The following CTNNA3 variants were observed in gnomAD, a reference collection of about 807,000 sequenced individuals.
The protein encoded by CTNNA3 is catenin alpha 3.
CTNNA3 carries 76 observed loss-of-function variants against 95.7 expected under a neutral mutation model. The observed-to-expected ratio is 0.79, with a 90% CI of 0.66 to 0.96. CTNNA3 has a LOEUF of 0.96. CTNNA3 is among the 40% of genes least tolerant of loss of function. The pLI is 0.00. For missense variants in CTNNA3, 1,191 were observed against 1,089.8 expected (o/e 1.09, Z -1.31); for synonymous variants, 431 against 374.4 (o/e 1.15, Z -1.74).
intron 13 of CTNNA3, among the ~76,000 whole-genome samples, chr10:66,232,345 T>C (rs1465779558): frequency 1.3e-5 from 2 of 152,132 alleles, no homozygotes; most frequent in African/African-American, 4.8e-5. Context: ...ATCAACAGAG[T>C]CAATGCAATG....
intron 12 of CTNNA3, among the ~76,000 whole-genome samples, chr10:66,352,928 G>A (rs1406509530): frequency 1.3e-5 from 2 of 152,004 alleles, no homozygotes; most frequent in African/African-American, 2.4e-5. Context: ...GGTCATCAAC[G>A]AGGGGCACTA....
chr10:66,675,764 T>C (rs1191323725), intron 9 of CTNNA3, among the ~76,000 whole-genome samples: 1 of 152,136 alleles, frequency 6.6e-6, no homozygotes, highest in African/African-American at 2.4e-5. Context: ...GATACCATTA[T>C]GTGACTGTTT....
intron 7 of CTNNA3, among the ~76,000 whole-genome samples, chr10:66,947,583 A>T (rs1239849390): frequency 6.6e-6 from 1 of 152,126 alleles, no homozygotes; most frequent in Non-Finnish European, 1.5e-5. Context: ...AGAGACAAAC[A>T]CTAATAAATT....
intron 11 of CTNNA3, among the ~76,000 whole-genome samples, chr10:66,505,719 G>A (rs536621550): frequency 7.2e-5 from 11 of 152,180 alleles, no homozygotes; most frequent in South Asian, 2.1e-4. Flanking sequence ...TGGAGAAAAC[G>A]AGGGAACACC....
chr10:66,185,035 T>G (rs537915325), intron 13 of CTNNA3, among the ~76,000 whole-genome samples: 2 of 152,348 alleles, frequency 1.3e-5, no homozygotes, highest in African/African-American at 4.8e-5. Flanking sequence ...ATTATTGTCA[T>G]GTCCCATGCA....
chr10:67,221,772 C>T (rs1007270604), intron 5 of CTNNA3, among the ~76,000 whole-genome samples: 32 of 152,034 alleles, frequency 2.1e-4, no homozygotes, highest in African/African-American at 7.5e-4. Flanking sequence ...GACGGGGTTT[C>T]ATCATGCTAG....
chr10:66,978,552 A>AAATAAAAAATAAAAAAATATATATATAT, intron 7 of CTNNA3, among the ~76,000 whole-genome samples: 1 of 37,866 alleles, frequency 2.6e-5, no homozygotes, highest in Non-Finnish European at 4.8e-5. Flanking sequence ...AAAAAAAAAA[A>AAATAAAAAATAAAAAAATATATATATAT]ATATATATAT....
At chr10:66,413,386 T>C (rs2093123409) in intron 11 of CTNNA3, among the ~76,000 whole-genome samples, 1 of 152,194 alleles carries the variant, frequency 6.6e-6, no homozygotes, top group African/African-American at 2.4e-5. Context: ...GAAGGTTACA[T>C]AGTTAATTTT....
intron 11 of CTNNA3, among the ~76,000 whole-genome samples, chr10:66,422,234 C>A (rs925291173): frequency 6.6e-6 from 1 of 152,030 alleles, no homozygotes; most frequent in Non-Finnish European, 1.5e-5. Context: ...ATGCTGATCA[C>A]AAATTGCTCA....
intron 11 of CTNNA3, among the ~76,000 whole-genome samples, chr10:66,459,182 C>A (rs2093512679): frequency 6.6e-6 from 1 of 152,044 alleles, no homozygotes; most frequent in South Asian, 2.1e-4. Flanking sequence ...CATATATGTT[C>A]TTTCTTATTA....
At chr10:67,611,816 A>G (rs879924106) in intron 2 of CTNNA3, among the ~76,000 whole-genome samples, 3 of 152,206 alleles carry the variant, frequency 2.0e-5, no homozygotes, top group Admixed American at 1.3e-4. Flanking sequence ...AGGAGCCTTC[A>G]GGGCTACTTT....
chr10:66,958,596 T>C (rs888002441), intron 7 of CTNNA3, among the ~76,000 whole-genome samples: 1 of 151,952 alleles, frequency 6.6e-6, no homozygotes, highest in African/African-American at 2.4e-5. Flanking sequence ...CCTGCCATTT[T>C]ATTAAATACT....
At chr10:66,822,304 G>A (rs901710308) in intron 7 of CTNNA3, among the ~76,000 whole-genome samples, 2 of 151,896 alleles carry the variant, frequency 1.3e-5, no homozygotes, top group Non-Finnish European at 2.9e-5. Flanking sequence ...ATTGTTAATC[G>A]ATCATGGCAT....
rs1471099838 is a variant in CTNNA3, at chr10:66,777,511, C to T, written c.1048-1987G>A. Among the ~76,000 whole-genome samples, 3 of 152,046 alleles carry T rather than the reference C, an allele frequency of 2.0e-5. No individual in the cohort carries two copies. In the South Asian group the frequency reaches 6.2e-4, roughly 32 times the overall value. ...ATTACACAGATGAAAGTTGTGGCTA[C>T]CTTCACAGCTCCTACTCAGCATTCT... On this transcript the variant is annotated intron_variant, in intron 7 of 17. Coordinates refer to ENST00000433211, the MANE Select transcript of CTNNA3 (RefSeq NM_013266.4).
At chr10:66,060,112 T>C (rs533144410) in intron 15 of CTNNA3, among the ~76,000 whole-genome samples, 14 of 152,044 alleles carry the variant, frequency 9.2e-5, no homozygotes, top group Non-Finnish European at 4.4e-5. Flanking sequence ...ATTAAATATC[T>C]GGAAGTTATA....
intron 9 of CTNNA3, among the ~76,000 whole-genome samples, chr10:66,649,583 G>A (rs553110315): frequency 5.8e-4 from 88 of 152,246 alleles, no homozygotes; most frequent in Non-Finnish European, 1.1e-3. Flanking sequence ...CCAACTTCAC[G>A]CAGGCACCTA....
chr10:66,031,202 T>C (rs2079442789), intron 15 of CTNNA3, among the ~76,000 whole-genome samples: 1 of 152,162 alleles, frequency 6.6e-6, no homozygotes, highest in Admixed American at 6.5e-5. Flanking sequence ...AATCCTATTA[T>C]TGGGTACATG....
intron 6 of CTNNA3, among the ~76,000 whole-genome samples, chr10:67,202,570 T>C (rs1230459301): frequency 1.3e-5 from 2 of 152,134 alleles, no homozygotes; most frequent in Non-Finnish European, 2.9e-5. Context: ...TAATAAAAAC[T>C]AATAAAAATT....
At chr10:67,252,766 C>A (rs1866160990) in intron 5 of CTNNA3, among the ~76,000 whole-genome samples, 1 of 152,190 alleles carries the variant, frequency 6.6e-6, no homozygotes, top group Admixed American at 6.5e-5. Flanking sequence ...AGACTCCTTG[C>A]TGAAATTCTC....
Sources: gnomAD v4.1 joint callset for allele counts (sites outside exome capture counted in the v4.1 genomes callset) on GRCh38, gnomAD v4.1.1 for gene constraint, MANE v1.5 for transcripts, NCBI Gene and HGNC (gene_info 2026-07-23, HGNC 2026-07-21) for gene names.